The following RAPGEF5 variants were observed in gnomAD, a reference collection of about 807,000 sequenced individuals.
RAPGEF5 encodes Rap guanine nucleotide exchange factor 5, also known as M-Ras-regulated GEF.
RAPGEF5 carries 65 observed loss-of-function variants against 125.2 expected under a neutral mutation model. That is an observed-to-expected ratio of 0.52 (90% CI 0.43 to 0.64). The LOEUF (loss-of-function observed/expected upper bound fraction) is 0.64. Among genes scored for constraint, RAPGEF5 ranks in the 30% least tolerant of loss-of-function variants. The pLI is 0.00. For synonymous variants in RAPGEF5, 391 were observed against 385.9 expected, an observed-to-expected ratio of 1.01 and a Z score of -0.16; for missense variants, 958 against 1,048.1, an observed-to-expected ratio of 0.91 and a Z score of 1.19.
intron 9 of RAPGEF5, among the ~76,000 whole-genome samples, chr7:22,198,676 A>G (rs1785207637): frequency 6.6e-6 from 1 of 152,186 alleles, no homozygotes; most frequent in African/African-American, 2.4e-5. Flanking sequence ...GGAATGGGCA[A>G]CTGGGGAGGA....
intron 9 of RAPGEF5, among the ~76,000 whole-genome samples, chr7:22,218,416 C>G (rs1785693627): frequency 6.6e-6 from 1 of 152,032 alleles, no homozygotes; most frequent in African/African-American, 2.4e-5. Context: ...TTTACTGGAC[C>G]TAACTTGCAA....
chr7:22,188,720 C>T (rs563671210), intron 11 of RAPGEF5, among the ~76,000 whole-genome samples: 3 of 148,832 alleles, frequency 2.0e-5, no homozygotes, highest in East Asian at 2.0e-4. Context: ...GAGCCGAGAT[C>T]GCGCCACTGC....
At chr7:22,356,073 G>T in intron 1 of RAPGEF5, 1 of 985,414 alleles carries the variant, frequency 1.0e-6, no homozygotes, top group Non-Finnish European at 1.2e-6. Flanking sequence ...GCTTCTTAAA[G>T]ATCCCAGGAG....
intron 9 of RAPGEF5, among the ~76,000 whole-genome samples, chr7:22,213,740 C>A (rs1246547918): frequency 6.6e-6 from 1 of 152,136 alleles, no homozygotes; most frequent in Non-Finnish European, 1.5e-5. Context: ...GCCTATTATA[C>A]CCTAGTTGTG....
rs564041357 is a variant in RAPGEF5, at chr7:22,140,205, G to A, written c.2187-90C>T. On this transcript the variant is annotated intron_variant, in intron 20 of 25. Transcript: ENST00000665637. ...GATAAAGCTGAAAAGACCCTCCTAGGCCACAGAGCTCAGGAATTCTGCTCT... is the reference window on the plus strand; with the variant it reads ...GATAAAGCTGAAAAGACCCTCCTAGACCACAGAGCTCAGGAATTCTGCTCT... The A allele has an allele frequency of 3.4e-6, 4 of 1,181,476 alleles. No homozygotes were observed. The East Asian group carries it at 1.0e-4, about 31-fold the overall frequency. The allele number at this position is 1,181,476 out of a possible 1,614,324, so 73.2% of individuals were successfully genotyped here.
chr7:22,124,811 G>C (rs1439637956), intron 25 of RAPGEF5, among the ~76,000 whole-genome samples: 1 of 152,106 alleles, frequency 6.6e-6, no homozygotes, highest in Non-Finnish European at 1.5e-5. Flanking sequence ...CAAAAGAGAG[G>C]GCGAGGAGGT....
intron 21 of RAPGEF5, 172 bp downstream of exon 21, chr7:22,139,853 A>G (rs1373557501): frequency 3.5e-6 from 2 of 571,048 alleles, no homozygotes; most frequent in African/African-American, 1.9e-5. Flanking sequence ...ATTTTTATCT[A>G]GTTCAGACAC....
chr7:22,182,642 T>C (rs1172651475), intron 11 of RAPGEF5, among the ~76,000 whole-genome samples: 2 of 152,174 alleles, frequency 1.3e-5, no homozygotes, highest in African/African-American at 4.8e-5. Context: ...AACAGAAATT[T>C]CCTTTCAAAA....
chr7:22,195,203 A>G lies in RAPGEF5; in HGVS notation c.997-1170T>C, dbSNP rs1583471835. Among the ~76,000 whole-genome samples the G allele has an allele frequency of 2.6e-5, 4 of 152,326 alleles. No homozygotes were observed. The East Asian group carries it at 7.7e-4, about 29-fold the overall frequency. On this transcript the variant is annotated intron_variant, in intron 9 of 25. Coordinates refer to ENST00000665637, the MANE Select transcript of RAPGEF5 (RefSeq NM_012294.5). ...ATCCCCACCCCCAACAGAGAAAAAA[A>G]TATCCATTGTGCCTTATTAATTGGT... is the stretch of plus-strand genomic sequence containing the variant.
At chr7:22,240,076 G>T (rs912176409) in intron 7 of RAPGEF5, among the ~76,000 whole-genome samples, 24 of 151,876 alleles carry the variant, frequency 1.6e-4, no homozygotes, top group African/African-American at 5.8e-4. Flanking sequence ...CAGGAGTGGT[G>T]GCGAGTGCCT....
chr7:22,238,495 C>T (rs1288594150), intron 7 of RAPGEF5, among the ~76,000 whole-genome samples: 1 of 152,202 alleles, frequency 6.6e-6, no homozygotes, highest in Admixed American at 6.5e-5. Flanking sequence ...AGAAATGTCA[C>T]TACTCACCAA....
chr7:22,157,393 G>T (rs1015827732), intron 15 of RAPGEF5, among the ~76,000 whole-genome samples: 1 of 152,172 alleles, frequency 6.6e-6, no homozygotes, highest in African/African-American at 2.4e-5. Flanking sequence ...ACTTGTGCCT[G>T]ACATCTCAGT....
chr7:22,234,124 G>A (rs1029925123), intron 7 of RAPGEF5, among the ~76,000 whole-genome samples: 1 of 152,142 alleles, frequency 6.6e-6, no homozygotes, highest in African/African-American at 2.4e-5. Flanking sequence ...CCTAGACAAG[G>A]ATTTATGATT....
At chr7:22,197,985 G>A (rs745318570) in intron 9 of RAPGEF5, among the ~76,000 whole-genome samples, 4 of 150,658 alleles carry the variant, frequency 2.7e-5, no homozygotes, top group Non-Finnish European at 5.9e-5. Context: ...TGCATCTTGG[G>A]CTCAAGTGAT....
At chr7:22,239,681 T>C (rs1786276365) in intron 7 of RAPGEF5, among the ~76,000 whole-genome samples, 1 of 152,178 alleles carries the variant, frequency 6.6e-6, no homozygotes, top group African/African-American at 2.4e-5. Context: ...TACTTCTTAA[T>C]AGGTTTTTAC....
chr7:22,273,040 G>A (rs932387022), intron 6 of RAPGEF5, among the ~76,000 whole-genome samples: 1 of 152,082 alleles, frequency 6.6e-6, no homozygotes. Context: ...GATTGCAGGC[G>A]TGAGCCACCA....
intron 11 of RAPGEF5, among the ~76,000 whole-genome samples, chr7:22,182,084 C>T (rs764471725): frequency 6.6e-6 from 1 of 152,142 alleles, no homozygotes; most frequent in African/African-American, 2.4e-5. Context: ...ACACTTTATA[C>T]GACTATCTGA....
intron 7 of RAPGEF5, among the ~76,000 whole-genome samples, chr7:22,243,351 G>T (rs760492926): frequency 6.6e-6 from 1 of 152,164 alleles, no homozygotes; most frequent in Non-Finnish European, 1.5e-5. Context: ...CTGTCTCCCG[G>T]ATTCAAGTGA....
At chr7:22,172,283 C>G (rs144616438) in intron 11 of RAPGEF5, among the ~76,000 whole-genome samples, 1 of 151,814 alleles carries the variant, frequency 6.6e-6, no homozygotes, top group African/African-American at 2.4e-5. Flanking sequence ...CCACCATGCC[C>G]GGCTAATTTT....
Sources: gnomAD v4.1 joint callset for allele counts (sites outside exome capture counted in the v4.1 genomes callset) on GRCh38, gnomAD v4.1.1 for gene constraint, MANE v1.5 for transcripts, NCBI Gene and HGNC (gene_info 2026-07-23, HGNC 2026-07-21) for gene names.